Variants in ZNF746 observed in about 807,000 individuals in gnomAD.
ZNF746 encodes the protein zinc finger protein 746.
A neutral mutation model predicts 41.0 loss-of-function variants in ZNF746; 13 were observed. The observed-to-expected ratio is 0.32, with a 90% confidence interval of 0.21 to 0.50. The LOEUF (loss-of-function observed/expected upper bound fraction) is 0.50, where lower values mean the gene tolerates loss of function less well. Among genes scored for constraint, ZNF746 ranks in the 20% least tolerant of loss-of-function variants. The pLI, the probability that ZNF746 is intolerant of heterozygous loss-of-function variation, is 0.98. For synonymous variants in ZNF746, 424 were observed against 396.2 expected, an observed-to-expected ratio of 1.07 and a Z score of -0.83; for missense variants, 811 against 922.9, an observed-to-expected ratio of 0.88 and a Z score of 1.57.
Position 149,474,087 on chromosome 7 carries a change from A to G in ZNF746, c.*297T>C. On this transcript the variant is annotated 3_prime_UTR_variant, in exon 7 of 7. Transcript: ENST00000458143. The surrounding 1 kb of genome is among the most constrained non-coding windows in gnomAD (Gnocchi z 6.3). ...ACAAAATTTAAATAGCCCTATTACT[A>G]TTTTCCAGCTTTTTCCTCAAGAATT... 2.3e-6 allele frequency: 1 copy of G among 437,506 alleles called. No individual in the cohort carries two copies. The highest frequency in any genetic ancestry group is 4.2e-6 in the Non-Finnish European group (1 of 240,474). 27.1% of individuals were successfully genotyped at this position (437,506 alleles called of 1,614,324 possible).
In ZNF746 at chr7:149,477,052, G is replaced by A. The variant is rs376655255; in HGVS notation, c.758-5C>T. 2.9e-5 allele frequency: 46 copies of A among 1,611,632 alleles called. No homozygotes were observed. The African/African-American group carries it at 4.8e-4, about 17-fold the overall frequency. On this transcript the variant is annotated splice_region_variant and splice_polypyrimidine_tract_variant and intron_variant, in intron 5 of 6. Transcript: ENST00000458143. ...TGGAAAAGTTGGAATGGACACCTGC[G>A]GTAAGGGGAGAGCAGAGCCGGTGGG...
rs1800201319 is a variant in ZNF746, at chr7:149,474,281, T to A, written c.*103A>T. 1 of 1,349,012 alleles carries A rather than the reference T, an allele frequency of 7.4e-7. No homozygotes were observed. The highest frequency in any genetic ancestry group is 1.5e-5 in the African/African-American group (1 of 68,654). The allele number at this position is 1,349,012 out of a possible 1,614,324, so 83.6% of individuals were successfully genotyped here. ...TCAGTTCAGCAACTTGGACATTTGG[T>A]TCTCCCCGTCCCGCGTCTGCCTGAA... is the stretch of plus-strand genomic sequence containing the variant. On this transcript the variant is annotated 3_prime_UTR_variant, in exon 7 of 7. Coordinates refer to ENST00000458143, the MANE Select transcript of ZNF746 (RefSeq NM_001394198.1). This position sits in a 1 kb window ranked among gnomAD's most constrained non-coding sequence, Gnocchi z 6.3.
intron 4 of ZNF746, among the ~76,000 whole-genome samples, chr7:149,485,480 TG>T (rs370815982): frequency 1.8e-4 from 28 of 152,202 alleles, no homozygotes; most frequent in African/African-American, 6.8e-4. Flanking sequence ...AGTCCATTTC[TG>T]AAGGATGAAG....
intron 4 of ZNF746, among the ~76,000 whole-genome samples, chr7:149,492,236 C>T (rs964338299): frequency 1.3e-5 from 2 of 152,180 alleles, no homozygotes; most frequent in Non-Finnish European, 2.9e-5. Flanking sequence ...CCTCTTTCTC[C>T]TCAGCCTACT....
At chr7:149,496,461 G>A (rs1323758467) in intron 1 of ZNF746, among the ~76,000 whole-genome samples, 1 of 152,160 alleles carries the variant, frequency 6.6e-6, no homozygotes, top group African/African-American at 2.4e-5. Context: ...CCCACCCGCA[G>A]GATGAAGTCC....
intron 4 of ZNF746, chr7:149,487,876 C>T (rs1157393657): frequency 6.6e-6 from 1 of 152,092 alleles, no homozygotes. Context: ...AATCAAATTT[C>T]CAACAGGATT....
rs1801022284 is a variant in ZNF746, at chr7:149,497,054, C to T, written c.24+459G>A. 1.0e-6 allele frequency: 1 copy of T among 985,290 alleles called. No homozygotes were observed. Among genetic ancestry groups the T allele is most frequent in the Non-Finnish European group, 1.2e-6 (1 of 829,938 alleles). 61.0% of individuals were successfully genotyped at this position (985,290 alleles called of 1,614,324 possible). On this transcript the variant is annotated intron_variant, in intron 1 of 6. Transcript: ENST00000458143. This position sits in a 1 kb window ranked among gnomAD's most constrained non-coding sequence, Gnocchi z 4.2. ...CGTGGCTCTATATTCCCTTCCGCGCCGACCCCGGGAAGCTGGGCACGTAGT... is the reference window on the plus strand; with the variant it reads ...CGTGGCTCTATATTCCCTTCCGCGCTGACCCCGGGAAGCTGGGCACGTAGT...
At chr7:149,485,379 C>T (rs1800594149) in intron 4 of ZNF746, among the ~76,000 whole-genome samples, 1 of 152,116 alleles carries the variant, frequency 6.6e-6, no homozygotes, top group Non-Finnish European at 1.5e-5. Flanking sequence ...CTTGATAAGG[C>T]AGTTTGAGGG....
chr7:149,492,585 T>C (rs2373502), intron 4 of ZNF746, among the ~76,000 whole-genome samples: 56,528 of 152,054 alleles, frequency 0.37, 11,270 homozygotes, highest in East Asian at 0.75. Flanking sequence ...CTCTCAGCGT[T>C]CTCCTCTCCC....
chr7:149,482,182 G>A (rs1388391009), intron 4 of ZNF746, among the ~76,000 whole-genome samples: 2 of 152,162 alleles, frequency 1.3e-5, no homozygotes, highest in African/African-American at 4.8e-5. Flanking sequence ...AGCTACAGGT[G>A]GATAGTGGCT....
rs1027948115 is a variant in ZNF746, at chr7:149,473,823, T to C, written c.*561A>G. On this transcript the variant is annotated 3_prime_UTR_variant, in exon 7 of 7. Transcript: ENST00000458143. ...GCAAGCTGGGAAATGCAACCGCTAC[T>C]CCCGGAGGGGTCCTTCCTGCTGCAC... The C allele has an allele frequency of 1.3e-5, 2 of 157,010 alleles. No homozygotes were observed. Among genetic ancestry groups the C allele is most frequent in the African/African-American group, 2.4e-5 (1 of 41,466 alleles). 9.7% of individuals were successfully genotyped at this position (157,010 alleles called of 1,614,324 possible).
chr7:149,496,725 G>A (rs1356312362), intron 1 of ZNF746: 5 of 706,012 alleles, frequency 7.1e-6, no homozygotes. Flanking sequence ...GCCAGGAGGG[G>A]TGGACAGCGG....
At position 149,474,884 on chromosome 7, in the gene ZNF746, C is replaced by A; in HGVS notation, c.1483G>T (p.Asp495Tyr). 1 of 1,517,436 alleles carries A rather than the reference C, an allele frequency of 6.6e-7. No homozygotes were observed. Among genetic ancestry groups the A allele is most frequent in the Non-Finnish European group, 8.8e-7 (1 of 1,138,096 alleles). The allele number at this position is 1,517,436 out of a possible 1,614,324, so 94.0% of individuals were successfully genotyped here. A position where few individuals can be genotyped will look rare whatever the true frequency, so the allele number is the denominator to read the frequency against. The change falls in exon 7 of 7, where the codon GAC becomes TAC. Residue 495 changes from aspartate (D) to tyrosine (Y), a missense_variant. Asp to Tyr is a radical substitution (Grantham distance 160). Around this residue, in one of 4 missense-constraint regions of ZNF746, gnomAD observed 495 missense variants for 481.6 expected, o/e 1.03. Transcript: ENST00000458143. This position sits in a 1 kb window ranked among gnomAD's most constrained non-coding sequence, Gnocchi z 6.3. ...SAHQRSCGAP[D>Y]GSGPGTGGGG... Reference sequence around the variant, plus strand: ...CCGCCTGTGCCCGGGCCCGACCCGTCGGGCGCCCCACAGCTGCGCTGGTGC... The same window carrying A: ...CCGCCTGTGCCCGGGCCCGACCCGTAGGGCGCCCCACAGCTGCGCTGGTGC...
chr7:149,475,529 G>A (rs376292294), intron 6 of ZNF746, 46 bp from the exon 7 acceptor site: 129 of 1,548,766 alleles, frequency 8.3e-5, no homozygotes, highest in Non-Finnish European at 1.1e-4. Flanking sequence ...CTTAACTGCT[G>A]AGCGAGCCAC....
In ZNF746 at chr7:149,474,901, C is replaced by T. The variant is rs1800236941; in HGVS notation, c.1466G>A (p.Arg489His). 3.3e-6 allele frequency: 5 copies of T among 1,535,668 alleles called. No individual in the cohort carries two copies. The highest frequency in any genetic ancestry group is 4.4e-6 in the Non-Finnish European group (5 of 1,145,342). ...QLQVSLSAHQRSCGAPDGSGP... is the reference protein window; with the variant it reads ...QLQVSLSAHQHSCGAPDGSGP... ...CGACCCGTCGGGCGCCCCACAGCTG[C>T]GCTGGTGCGCGCTCAGGCTGACTTG... The change falls in exon 7 of 7, where the codon CGC (arginine) becomes CAC (histidine). Residue 489 changes from arginine (R) to histidine (H), a missense_variant. Coordinates refer to ENST00000458143, the MANE Select transcript of ZNF746 (RefSeq NM_001394198.1). This position sits in a 1 kb window ranked among gnomAD's most constrained non-coding sequence, Gnocchi z 6.3.
At position 149,494,234 on chromosome 7, in the gene ZNF746, C is replaced by G; in HGVS notation, c.294G>C (p.Leu98=). Residue 98 remains leucine (L), a synonymous_variant, in exon 2 of 7, where the codon CTG becomes CTC. Coordinates refer to ENST00000458143, the MANE Select transcript of ZNF746 (RefSeq NM_001394198.1). The surrounding 1 kb of genome is among the most constrained non-coding windows in gnomAD (Gnocchi z 5.6). ...LRNRNFWILR[L]PPGSKGESPK... ...GGGACTCCCCCTTGCTGCCCGGGGG[C>G]AGCCGCAGGATCCAGAAGTTCCTGT... The G allele has an allele frequency of 6.2e-7, 1 of 1,614,166 alleles. No homozygotes were observed. Among genetic ancestry groups the G allele is most frequent in the Non-Finnish European group, 8.5e-7 (1 of 1,180,020 alleles).
chr7:149,484,714 GA>G (rs1180827426), intron 4 of ZNF746, among the ~76,000 whole-genome samples: 5 of 151,844 alleles, frequency 3.3e-5, no homozygotes, highest in South Asian at 2.1e-4. Flanking sequence ...TATTTAAAAA[GA>G]AAAAAATTAT....
chr7:149,491,809 G>C, intron 4 of ZNF746: 1 of 694,214 alleles, frequency 1.4e-6, no homozygotes, highest in Non-Finnish European at 2.6e-6. Flanking sequence ...ATCAGGGGTC[G>C]AGCCTTGCAG....
intron 1 of ZNF746, among the ~76,000 whole-genome samples, chr7:149,495,405 A>G (rs776246931): frequency 6.6e-6 from 1 of 152,222 alleles, no homozygotes; most frequent in Non-Finnish European, 1.5e-5. Flanking sequence ...CATCTTAATT[A>G]GAGACGGGGG....
Sources: gnomAD v4.1 joint callset for allele counts (sites outside exome capture counted in the v4.1 genomes callset) on GRCh38, gnomAD v4.1.1 for gene constraint, gnomAD v4.1.1 regional missense constraint, Gnocchi (gnomAD v3.1) non-coding constraint, MANE v1.5 for transcripts, NCBI Gene and HGNC (gene_info 2026-07-23, HGNC 2026-07-21) for gene names.